CALN1: variants seen among roughly 807,000 people sequenced by gnomAD.
The protein encoded by CALN1 is calcium-binding protein 8.
A neutral mutation model predicts 30.6 loss-of-function variants in CALN1; 17 were observed. The observed-to-expected ratio is 0.56, with a 90% CI of 0.38 to 0.83. The LOEUF is 0.83. Ranked by LOEUF, CALN1 falls within the 40% of genes least tolerant of loss-of-function variation. CALN1 has a pLI of 0.00. For missense variants in CALN1, 291 were observed against 354.9 expected, an observed-to-expected ratio of 0.82 and a Z score of 1.45; for synonymous variants, 156 against 131.4, an observed-to-expected ratio of 1.19 and a Z score of -1.28.
chr7:72,008,209 T>A (rs886786185), intron 5 of CALN1, among the ~76,000 whole-genome samples: 18 of 152,166 alleles, frequency 1.2e-4, no homozygotes, highest in African/African-American at 4.3e-4. Flanking sequence ...ATATTATATA[T>A]CTGACATTCT....
intron 5 of CALN1, among the ~76,000 whole-genome samples, chr7:71,991,743 A>G (rs898543721): frequency 2.6e-5 from 4 of 152,244 alleles, no homozygotes; most frequent in African/African-American, 9.6e-5. Context: ...TTCTGCCTAC[A>G]ATTTTACTTA....
intron 2 of CALN1, among the ~76,000 whole-genome samples, chr7:72,292,438 G>C (rs1798548519): frequency 6.7e-6 from 1 of 149,558 alleles, no homozygotes; most frequent in Non-Finnish European, 1.5e-5. Flanking sequence ...TAGCAGATAG[G>C]GCCTTTGAGA....
chr7:72,409,138 G>T (rs1411393565), intron 1 of CALN1, among the ~76,000 whole-genome samples: 1 of 152,018 alleles, frequency 6.6e-6, no homozygotes, highest in East Asian at 2.0e-4. Context: ...TGGGATTACA[G>T]GCGCCCGCCA....
chr7:72,474,699 A>G, the CALN1 span, among the ~76,000 whole-genome samples: 3 of 150,748 alleles, frequency 2.0e-5, no homozygotes. Flanking sequence ...AAAAAAAAAA[A>G]TCCAGCAGAG....
chr7:72,022,858 C>G (rs1800782134), intron 5 of CALN1, among the ~76,000 whole-genome samples: 1 of 150,006 alleles, frequency 6.7e-6, no homozygotes, highest in Non-Finnish European at 1.5e-5. Flanking sequence ...AACTGCAACC[C>G]TTATCTAGGT....
chr7:72,109,682 T>C (rs1807422907), intron 3 of CALN1, among the ~76,000 whole-genome samples: 1 of 152,210 alleles, frequency 6.6e-6, no homozygotes, highest in South Asian at 2.1e-4. Context: ...CATGGCACAC[T>C]GTGCTCAAGG....
At chr7:72,044,848 G>A (rs1802369707) in intron 4 of CALN1, among the ~76,000 whole-genome samples, 1 of 151,966 alleles carries the variant, frequency 6.6e-6, no homozygotes, top group Non-Finnish European at 1.5e-5. Context: ...TCCACCTCCT[G>A]GCCTCAAGCA....
rs935419096 is a variant in CALN1, at chr7:72,124,097, A to T, written c.245-17803T>A. ...CAACTATTTCAGAACACACGTGCAC[A>T]CACACACCAATCATTCCGTATTTCC... On this transcript the variant is annotated intron_variant, in intron 3 of 6. Coordinates refer to ENST00000395275, the MANE Select transcript of CALN1 (RefSeq NM_031468.4). Among the ~76,000 whole-genome samples the T allele has an allele frequency of 3.9e-5, 6 of 152,328 alleles. No homozygotes were observed. The East Asian group carries it at 1.2e-3, about 29-fold the overall frequency.
chr7:72,107,815 A>G (rs1807285541), intron 3 of CALN1, among the ~76,000 whole-genome samples: 1 of 152,194 alleles, frequency 6.6e-6, no homozygotes, highest in Non-Finnish European at 1.5e-5. Flanking sequence ...ACGGAAAAAT[A>G]AAAATGATCC....
intron 3 of CALN1, among the ~76,000 whole-genome samples, chr7:72,243,627 C>G (rs1343526427): frequency 6.6e-6 from 1 of 152,110 alleles, no homozygotes; most frequent in African/African-American, 2.4e-5. Flanking sequence ...TACTCACTGT[C>G]AGGACTTAGT....
intron 3 of CALN1, among the ~76,000 whole-genome samples, chr7:72,209,253 CTTCCCTCT>C (rs1195583582): frequency 1.2e-4 from 17 of 140,758 alleles, no homozygotes; most frequent in African/African-American, 2.8e-4. Context: ...TCCTTCCCTC[CTTCCCTCT>C]TTCCTTCCCT....
At chr7:72,436,799 T>C (rs908626911) in intron 1 of CALN1, among the ~76,000 whole-genome samples, 3 of 152,156 alleles carry the variant, frequency 2.0e-5, no homozygotes, top group Admixed American at 6.5e-5. Flanking sequence ...ATTCTCAGCC[T>C]CTTCCCAGCC....
At chr7:72,334,820 C>T (rs1339272620) in intron 2 of CALN1, among the ~76,000 whole-genome samples, 1 of 152,156 alleles carries the variant, frequency 6.6e-6, no homozygotes, top group African/African-American at 2.4e-5. Context: ...CCAACTTCAC[C>T]ATTGTAGAAC....
intron 2 of CALN1, among the ~76,000 whole-genome samples, chr7:72,398,174 AGAG>A (rs1486967290): frequency 6.6e-6 from 1 of 152,220 alleles, no homozygotes; most frequent in African/African-American, 2.4e-5. Flanking sequence ...CTAGCAAGGA[AGAG>A]CAGCTCAGCG....
At chr7:72,152,394 G>A (rs1409140488) in intron 3 of CALN1, among the ~76,000 whole-genome samples, 1 of 152,144 alleles carries the variant, frequency 6.6e-6, no homozygotes, top group Non-Finnish European at 1.5e-5. Flanking sequence ...TTTCCTGTGA[G>A]AGCCCTAGAG....
intron 3 of CALN1, among the ~76,000 whole-genome samples, chr7:72,193,748 T>A (rs1790789950): frequency 6.6e-6 from 1 of 151,972 alleles, no homozygotes; most frequent in Non-Finnish European, 1.5e-5. Flanking sequence ...AGTCAATGAG[T>A]GGATAAAGAA....
chr7:72,056,208 G>C (rs1474370489), intron 4 of CALN1, among the ~76,000 whole-genome samples: 1 of 152,112 alleles, frequency 6.6e-6, no homozygotes, highest in Non-Finnish European at 1.5e-5. Flanking sequence ...AATCCCTATG[G>C]AATTTTTTTG....
chr7:72,348,312 A>G (rs879536021), intron 2 of CALN1, among the ~76,000 whole-genome samples: 2 of 152,204 alleles, frequency 1.3e-5, no homozygotes, highest in South Asian at 2.1e-4. Context: ...GTGTCCTGCA[A>G]CTGCCCAGCT....
chr7:72,461,206 G>C, the CALN1 span, among the ~76,000 whole-genome samples: 1 of 152,188 alleles, frequency 6.6e-6, no homozygotes, highest in Admixed American at 6.5e-5. Flanking sequence ...ATTATACACT[G>C]TTGGTGGAAG....
Sources: gnomAD v4.1 joint callset for allele counts (sites outside exome capture counted in the v4.1 genomes callset) on GRCh38, gnomAD v4.1.1 for gene constraint, MANE v1.5 for transcripts, NCBI Gene and HGNC (gene_info 2026-07-23, HGNC 2026-07-21) for gene names.